Variants in PAX9 observed in about 807,000 individuals in gnomAD.
PAX9 encodes paired box 9.
In PAX9, 6 loss-of-function variants were observed where a neutral mutation model predicts 29.1. That is an observed-to-expected ratio of 0.21 (90% CI 0.11 to 0.41). The LOEUF (loss-of-function observed/expected upper bound fraction) is 0.41, where lower values mean the gene tolerates loss of function less well. PAX9 is among the 10% of genes least tolerant of loss of function. The pLI, the probability that PAX9 is intolerant of heterozygous loss-of-function variation, is 1.00. For synonymous variants in PAX9, 217 were observed against 211.7 expected, an observed-to-expected ratio of 1.03 and a Z score of -0.22; for missense variants, 443 against 479.1, an observed-to-expected ratio of 0.92 and a Z score of 0.70.
rs1881907480 is a variant in PAX9, at chr14:36,676,713, A to G, written c.*261A>G. The G allele has an allele frequency of 1.9e-6, 1 of 518,898 alleles. No homozygotes were observed. The highest frequency in any genetic ancestry group is 3.6e-5 in the East Asian group (1 of 27,704). The allele number at this position is 518,898 out of a possible 1,614,324, so 32.1% of individuals were successfully genotyped here. A position where few individuals can be genotyped will look rare whatever the true frequency, so the allele number is the denominator to read the frequency against. On this transcript the variant is annotated 3_prime_UTR_variant, in exon 4 of 4. Coordinates refer to ENST00000361487, the MANE Select transcript of PAX9 (RefSeq NM_001372076.1). ...ATTGAATGAGACATTTGTGTTGCCCACATACTGTCTTAACATAACAAAGAA... is the reference window on the plus strand; with the variant it reads ...ATTGAATGAGACATTTGTGTTGCCCGCATACTGTCTTAACATAACAAAGAA...
In PAX9 at chr14:36,674,275, A is replaced by T. The variant is rs370085248; in HGVS notation, c.772-1923A>T. 2.6e-5 allele frequency among the ~76,000 whole-genome samples: 4 copies of T among 152,248 alleles called. No homozygotes were observed. The East Asian group carries it at 7.7e-4, about 29-fold the overall frequency. ...AGGAGAGAAAAGAATTTGTTACCAG[A>T]TGTTATCTCAAAAGATGCACTAGTT... is the stretch of plus-strand genomic sequence containing the variant. On this transcript the variant is annotated intron_variant, in intron 3 of 3. Transcript: ENST00000361487.
intron 3 of PAX9, among the ~76,000 whole-genome samples, chr14:36,675,491 A>T (rs1881851949): frequency 6.6e-6 from 1 of 152,220 alleles, no homozygotes; most frequent in East Asian, 1.9e-4. Flanking sequence ...TGCAAGCAAA[A>T]TTTCCAGTTT....
chr14:36,665,166 T>TG (rs1189487954), intron 2 of PAX9, among the ~76,000 whole-genome samples: 2 of 44,530 alleles, frequency 4.5e-5, no homozygotes, highest in South Asian at 9.3e-4. Flanking sequence ...GGAGACATAG[T>TG]GAAAAAAAAA....
chr14:36,676,385 C>G lies in PAX9; in HGVS notation c.959C>G (p.Ser320Trp), dbSNP rs771366081. 5.8e-5 allele frequency: 94 copies of G among 1,614,014 alleles called. No homozygotes were observed. Among genetic ancestry groups the G allele is most frequent in the Non-Finnish European group, 7.6e-5 (90 of 1,180,016 alleles). Residue 320 changes from serine to tryptophan, a missense_variant, in exon 4 of 4, where the codon TCG (serine) becomes TGG (tryptophan). By Grantham distance (177) the Ser-to-Trp change is radical. Around this residue, in one of 2 missense-constraint regions of PAX9, gnomAD observed 336 missense variants for 317.2 expected, o/e 1.06. Transcript: ENST00000361487. ...CCCCACAACTGTGACATTCCGGCATCGCTGGCGTTCAAGGGAATGCAGGCA... is the reference window on the plus strand; with the variant it reads ...CCCCACAACTGTGACATTCCGGCATGGCTGGCGTTCAAGGGAATGCAGGCA... ...LSPHNCDIPA[S>W]LAFKGMQAAR... is the part of the protein sequence containing the mutation.
chr14:36,673,596 G>A (rs1183810806), intron 3 of PAX9, among the ~76,000 whole-genome samples: 5 of 151,764 alleles, frequency 3.3e-5, no homozygotes. Flanking sequence ...AAGTAAATGG[G>A]GCAGATCAAT....
intron 2 of PAX9, 181 bp from the exon 3 acceptor site, chr14:36,666,281 C>T (rs562941931): frequency 4.4e-6 from 3 of 688,666 alleles, no homozygotes; most frequent in Admixed American, 2.9e-5. Flanking sequence ...AAAACTTCAC[C>T]AGGCCCTGGG....
chr14:36,659,591 C>T (rs976035654), upstream of PAX9, among the ~76,000 whole-genome samples: 3 of 152,256 alleles, frequency 2.0e-5, no homozygotes, highest in African/African-American at 7.2e-5. Flanking sequence ...CAACCGCCGG[C>T]ATGAGTGGGG....
chr14:36,658,370 G>C (rs551919995), upstream of PAX9, among the ~76,000 whole-genome samples: 1 of 140,008 alleles, frequency 7.1e-6, no homozygotes, highest in Non-Finnish European at 1.5e-5. Context: ...CCTGGGCCTC[G>C]CTTGGGGGGG....
At chr14:36,659,304 CT>C (rs1248263641), upstream of PAX9, among the ~76,000 whole-genome samples, 1 of 152,170 alleles carries the variant, frequency 6.6e-6, no homozygotes, top group Non-Finnish European at 1.5e-5. Flanking sequence ...AGTGTTCTCT[CT>C]TTTCCTTCCT....
chr14:36,676,093 G>T, intron 3 of PAX9, 105 bp from the exon 4 acceptor site: 1 of 1,177,046 alleles, frequency 8.5e-7, no homozygotes, highest in African/African-American at 1.5e-5. Context: ...TAGAGTCAGA[G>T]CATTGCTGGC....
At position 36,663,895 on chromosome 14, in the gene PAX9, G is replaced by T. The variant is rs1276961691; in HGVS notation, c.631+372G>T. On this transcript the variant is annotated intron_variant, in intron 2 of 3. Transcript: ENST00000361487. ...TTGGGGCGCAGCCCGGGAGGCCCGAGCCTGCTTGGGGCTGCCGGCTGCAGA... is the reference window on the plus strand; with the variant it reads ...TTGGGGCGCAGCCCGGGAGGCCCGATCCTGCTTGGGGCTGCCGGCTGCAGA... Among the ~76,000 whole-genome samples the T allele has an allele frequency of 2.6e-5, 4 of 152,240 alleles. No homozygotes were observed. In the South Asian group the frequency reaches 6.2e-4, roughly 24 times the overall value.
At chr14:36,674,857 T>C (rs1179020946) in intron 3 of PAX9, among the ~76,000 whole-genome samples, 2 of 152,230 alleles carry the variant, frequency 1.3e-5, no homozygotes, top group East Asian at 1.9e-4. Flanking sequence ...TTGTCAGAAA[T>C]GCATGAGTAA....
At chr14:36,659,431 C>T (rs1881171403), upstream of PAX9, among the ~76,000 whole-genome samples, 1 of 152,234 alleles carries the variant, frequency 6.6e-6, no homozygotes, top group Non-Finnish European at 1.5e-5. Context: ...TCACCCTCTT[C>T]TGCTGGGATC....
rs1566482440 is a variant in PAX9 at position 36,678,545 on chromosome 14, A to C, written c.*2093A>C. The C allele has an allele frequency of 1.3e-6, 2 of 1,536,548 alleles. No homozygotes were observed. The highest frequency in any genetic ancestry group is 3.9e-5 in the Admixed American group (2 of 50,938). On this transcript the variant is annotated 3_prime_UTR_variant, in exon 4 of 4. Coordinates refer to ENST00000361487, the MANE Select transcript of PAX9 (RefSeq NM_001372076.1). ...AAGATCCAATCCAATATTTTGGTGG[A>C]GACTTCTTTAAAACCATACCATACA...
intron 3 of PAX9, among the ~76,000 whole-genome samples, chr14:36,668,369 A>C (rs1881582388): frequency 3.0e-5 from 1 of 33,218 alleles, no homozygotes; most frequent in Non-Finnish European, 1.1e-4. Context: ...CATAATCCCA[A>C]AAAAAACCCT....
At chr14:36,660,984 A>G (rs1566464935), upstream of PAX9, among the ~76,000 whole-genome samples, 1 of 152,238 alleles carries the variant, frequency 6.6e-6, no homozygotes, top group Non-Finnish European at 1.5e-5. Flanking sequence ...TTCATATTTA[A>G]ACAAAACTCT....
At chr14:36,658,372 T>TTGG (rs1265494277), upstream of PAX9, among the ~76,000 whole-genome samples, 39 of 131,204 alleles carry the variant, frequency 3.0e-4, no homozygotes, top group African/African-American at 1.2e-3. Flanking sequence ...TGGGCCTCGC[T>TTGG]TGGGGGGGGG....
upstream of PAX9, among the ~76,000 whole-genome samples, chr14:36,660,994 T>C (rs1881237342): frequency 6.6e-6 from 1 of 152,222 alleles, no homozygotes; most frequent in Admixed American, 6.5e-5. Flanking sequence ...AACAAAACTC[T>C]TTCGAGAGGG....
intron 3 of PAX9, among the ~76,000 whole-genome samples, chr14:36,675,202 G>A (rs1262650830): frequency 2.0e-5 from 3 of 152,156 alleles, no homozygotes; most frequent in African/African-American, 4.8e-5. Context: ...TATTTCTAAA[G>A]AGTATAAAAA....
Sources: allele counts gnomAD v4.1 joint callset (sites outside exome capture counted in the v4.1 genomes callset), GRCh38; gene constraint gnomAD v4.1.1; regional missense constraint gnomAD v4.1.1; transcripts MANE v1.5; gene names NCBI Gene and HGNC (gene_info 2026-07-23, HGNC 2026-07-21).